The following PDLIM5 variants were observed in gnomAD, a reference collection of about 807,000 sequenced individuals.
PDLIM5 encodes the protein PDZ and LIM domain protein 5.
Under a neutral mutation model 64.2 loss-of-function variants are expected in PDLIM5, and 34 were observed. The observed-to-expected ratio is 0.53, with a 90% CI of 0.40 to 0.71. PDLIM5 has a LOEUF of 0.71. Among genes scored for constraint, PDLIM5 ranks in the 30% least tolerant of loss-of-function variants. PDLIM5 has a pLI of 0.00. For missense variants in PDLIM5, 683 were observed against 733.6 expected (o/e 0.93, Z 0.80); for synonymous variants, 253 against 269.1 (o/e 0.94, Z 0.59).
At chr4:94,499,507 AG>A (rs1200231171) in intron 2 of PDLIM5, among the ~76,000 whole-genome samples, 27 of 152,344 alleles carry the variant, frequency 1.8e-4, no homozygotes, top group African/African-American at 6.0e-4. Context: ...TACAAAGAAA[AG>A]AACCTAATAC....
chr4:94,652,491 T>C (rs1741916586), intron 9 of PDLIM5, among the ~76,000 whole-genome samples: 1 of 152,208 alleles, frequency 6.6e-6, no homozygotes, highest in South Asian at 2.1e-4. Flanking sequence ...AGCAGTGTGA[T>C]TCCTGGTTTA....
chr4:94,653,944 A>G (rs1166469324), intron 9 of PDLIM5, among the ~76,000 whole-genome samples: 1 of 152,164 alleles, frequency 6.6e-6, no homozygotes, highest in African/African-American at 2.4e-5. Context: ...TACATGAAAG[A>G]ATGTGTGGGG....
chr4:94,578,201 T>G (rs1194133862), intron 5 of PDLIM5, among the ~76,000 whole-genome samples: 1 of 152,184 alleles, frequency 6.6e-6, no homozygotes, highest in Admixed American at 6.5e-5. Flanking sequence ...TTAAAACATC[T>G]GAAAATACCA....
At chr4:94,644,529 CTT>C (rs201777322) in intron 9 of PDLIM5, among the ~76,000 whole-genome samples, 7 of 144,684 alleles carry the variant, frequency 4.8e-5, no homozygotes, top group East Asian at 2.0e-4. Flanking sequence ...ATGCCAAGAA[CTT>C]TTTTTTTTTT....
rs886583975 is a variant in PDLIM5 at position 94,667,944 on chromosome 4, T to C, written c.*3877T>C. On this transcript the variant is annotated 3_prime_UTR_variant, in exon 13 of 13. Transcript: ENST00000317968. ...ATTGAAGGGAGAGCCTTCTCAGACA[T>C]GAAGCAAGGGAAACATACTGAATAG... 1.6e-4 allele frequency: 24 copies of C among 152,146 alleles called. No homozygotes were observed. Among genetic ancestry groups the C allele is most frequent in the Admixed American group, 3.9e-4 (6 of 15,268 alleles). 9.4% of individuals were successfully genotyped at this position (152,146 alleles called of 1,614,324 possible).
At chr4:94,510,755 C>T (rs1393400069) in intron 2 of PDLIM5, among the ~76,000 whole-genome samples, 1 of 152,016 alleles carries the variant, frequency 6.6e-6, no homozygotes, top group Non-Finnish European at 1.5e-5. Context: ...CACCTGTAAT[C>T]CTAGCACTTT....
chr4:94,546,014 A>G (rs1299472350), intron 3 of PDLIM5, among the ~76,000 whole-genome samples: 2 of 152,210 alleles, frequency 1.3e-5, no homozygotes, highest in African/African-American at 2.4e-5. Context: ...AAGTGGAGCT[A>G]TTGATTATAT....
At chr4:94,517,345 A>G (rs1406157082) in intron 2 of PDLIM5, among the ~76,000 whole-genome samples, 1 of 152,208 alleles carries the variant, frequency 6.6e-6, no homozygotes, top group Non-Finnish European at 1.5e-5. Flanking sequence ...AGATAACTAG[A>G]AACTGTCAAC....
Position 94,638,344 on chromosome 4 carries a change from T to C in PDLIM5, c.1109-1932T>C, listed in dbSNP as rs564539778. Among the ~76,000 whole-genome samples the C allele has an allele frequency of 1.6e-4, 24 of 152,296 alleles. No homozygotes were observed. The South Asian group carries it at 4.1e-3, about 26-fold the overall frequency. ...GTGTGGGTCTAAGAGAATGGAAACATGTTCCTAGTCCAGTTGACTCACTTG... is the reference window on the plus strand; with the variant it reads ...GTGTGGGTCTAAGAGAATGGAAACACGTTCCTAGTCCAGTTGACTCACTTG... On this transcript the variant is annotated intron_variant, in intron 8 of 12. Coordinates refer to ENST00000317968, the MANE Select transcript of PDLIM5 (RefSeq NM_006457.5).
intron 3 of PDLIM5, among the ~76,000 whole-genome samples, chr4:94,572,970 A>G (rs779880412): frequency 1.1e-4 from 17 of 152,202 alleles, no homozygotes; most frequent in Non-Finnish European, 2.4e-4. Context: ...TAGGAGTCAG[A>G]TTAGGTGGTT....
chr4:94,665,507 GAGA>G lies in PDLIM5; in HGVS notation c.*1441_*1443del. The G allele has an allele frequency of 1.8e-6, 1 of 543,794 alleles. No homozygotes were observed. The highest frequency in any genetic ancestry group is 2.2e-6 in the Non-Finnish European group (1 of 447,158). The allele number at this position is 543,794 out of a possible 1,614,324, so 33.7% of individuals were successfully genotyped here. On this transcript the variant is annotated 3_prime_UTR_variant, in exon 13 of 13. Transcript: ENST00000317968. Reference sequence around the variant, plus strand: ...AAAAAAAAAAAAAAAAAAAAAAAAAGAGAGAGAGAGAATAAATAGAAAAGAATG... The same window carrying G: ...AAAAAAAAAAAAAAAAAAAAAAAAAGGAGAGAGAATAAATAGAAAAGAATG...
intron 2 of PDLIM5, among the ~76,000 whole-genome samples, chr4:94,462,044 G>C (rs751483943): frequency 6.6e-6 from 1 of 152,008 alleles, no homozygotes; most frequent in Non-Finnish European, 1.5e-5. Context: ...TTTTGTATTT[G>C]TGGTAGAGAC....
chr4:94,557,816 T>C (rs1733483754), intron 3 of PDLIM5, among the ~76,000 whole-genome samples: 1 of 152,184 alleles, frequency 6.6e-6, no homozygotes, highest in South Asian at 2.1e-4. Context: ...GCTGAGACGA[T>C]GGAGTTTTCT....
At chr4:94,567,398 A>G (rs1734434660) in intron 3 of PDLIM5, among the ~76,000 whole-genome samples, 1 of 152,182 alleles carries the variant, frequency 6.6e-6, no homozygotes, top group Non-Finnish European at 1.5e-5. Context: ...ATAAAAATAT[A>G]TTTTTTATCT....
chr4:94,512,391 C>A (rs1172973194), intron 2 of PDLIM5, among the ~76,000 whole-genome samples: 1 of 152,092 alleles, frequency 6.6e-6, no homozygotes. Flanking sequence ...ACGTTCCCAC[C>A]AACAGTGTAC....
At chr4:94,642,045 C>T (rs1300246969) in intron 9 of PDLIM5, among the ~76,000 whole-genome samples, 1 of 152,156 alleles carries the variant, frequency 6.6e-6, no homozygotes, top group Non-Finnish European at 1.5e-5. Context: ...TGTTTTAGTA[C>T]TACCTGCATT....
chr4:94,652,865 G>C (rs890496770), intron 9 of PDLIM5, among the ~76,000 whole-genome samples: 2 of 151,982 alleles, frequency 1.3e-5, no homozygotes, highest in Admixed American at 1.3e-4. Context: ...TACACCCCAC[G>C]TAAAAATTTT....
At chr4:94,531,383 G>T (rs978951864) in intron 3 of PDLIM5, among the ~76,000 whole-genome samples, 2 of 151,998 alleles carry the variant, frequency 1.3e-5, no homozygotes, top group Non-Finnish European at 2.9e-5. Flanking sequence ...AATCCATTGA[G>T]GAAGAAGTTA....
chr4:94,639,452 G>A (rs1740828634), intron 8 of PDLIM5, among the ~76,000 whole-genome samples: 1 of 152,164 alleles, frequency 6.6e-6, no homozygotes, highest in Admixed American at 6.5e-5. Flanking sequence ...AATTAAGACA[G>A]TATTATAGGA....
Sources: gnomAD v4.1 joint callset for allele counts (sites outside exome capture counted in the v4.1 genomes callset) on GRCh38, gnomAD v4.1.1 for gene constraint, MANE v1.5 for transcripts, NCBI Gene and HGNC (gene_info 2026-07-23, HGNC 2026-07-21) for gene names.